The following NLGN1 variants were observed in gnomAD, a reference collection of about 807,000 sequenced individuals.
The protein encoded by NLGN1 is neuroligin-1.
In NLGN1, 12 loss-of-function variants were observed where a neutral mutation model predicts 65.5. That is an observed-to-expected ratio of 0.18 (90% confidence interval 0.12 to 0.30). NLGN1 has a LOEUF of 0.30. Among genes scored for constraint, NLGN1 ranks in the 10% least tolerant of loss-of-function variants. The pLI, the probability that NLGN1 is intolerant of heterozygous loss-of-function variation, is 1.00. For synonymous variants in NLGN1, 350 were observed against 359.5 expected (o/e 0.97, Z 0.30); for missense variants, 750 against 1,007.1 (o/e 0.74, Z 3.46).
At chr3:174,221,727 C>A (rs1399162547) in intron 4 of NLGN1, among the ~76,000 whole-genome samples, 1 of 151,806 alleles carries the variant, frequency 6.6e-6, no homozygotes, top group Non-Finnish European at 1.5e-5. Flanking sequence ...TGTAAAGTTG[C>A]TTGCAGGGCC....
chr3:173,980,211 TTAAA>T (rs1425362905), intron 4 of NLGN1, among the ~76,000 whole-genome samples: 5 of 152,078 alleles, frequency 3.3e-5, no homozygotes, highest in East Asian at 1.9e-4. Context: ...ATATTATGTA[TTAAA>T]TAAAGAGCAA....
chr3:174,102,369 G>T (rs1300152610), intron 4 of NLGN1, among the ~76,000 whole-genome samples: 1 of 151,970 alleles, frequency 6.6e-6, no homozygotes, highest in Non-Finnish European at 1.5e-5. Flanking sequence ...AAATTAGAAG[G>T]ATCTATTTGC....
intron 3 of NLGN1, among the ~76,000 whole-genome samples, chr3:173,793,123 T>A (rs1446323944): frequency 6.6e-6 from 1 of 152,116 alleles, no homozygotes; most frequent in East Asian, 1.9e-4. Context: ...TCTTTGGGTT[T>A]GCCACTATTA....
intron 4 of NLGN1, among the ~76,000 whole-genome samples, chr3:173,918,698 GTGTGTA>G (rs72147515): frequency 0.071 from 7,289 of 101,978 alleles, 201 homozygotes; most frequent in Non-Finnish European, 0.09. Context: ...GTGTGTGTGT[GTGTGTA>G]TATATATATA....
chr3:173,813,510 T>C lies in NLGN1; in HGVS notation c.646+5678T>C, dbSNP rs563282751. 9.9e-5 allele frequency among the ~76,000 whole-genome samples: 15 copies of C among 152,102 alleles called. No homozygotes were observed. In the East Asian group the frequency reaches 2.9e-3, roughly 30 times the overall value. On this transcript the variant is annotated intron_variant, in intron 4 of 6. Coordinates refer to ENST00000457714, the Ensembl canonical transcript of NLGN1. ...GGTACCGGAGGAAGGCCACAAAGAG[T>C]GGAGTATCCTTGGTATTAATTGAAG...
intron 3 of NLGN1, among the ~76,000 whole-genome samples, chr3:173,627,933 G>A (rs779451691): frequency 3.3e-5 from 5 of 151,026 alleles, no homozygotes; most frequent in African/African-American, 1.2e-4. Context: ...TTCCCATGAG[G>A]CTTATATTGA....
At chr3:174,201,826 C>G (rs1312028812) in intron 4 of NLGN1, among the ~76,000 whole-genome samples, 1 of 152,082 alleles carries the variant, frequency 6.6e-6, no homozygotes, top group Non-Finnish European at 1.5e-5. Context: ...TTCCACAGCA[C>G]TTATTTCCCT....
intron 4 of NLGN1, among the ~76,000 whole-genome samples, chr3:174,025,099 A>G (rs1190328082): frequency 6.6e-6 from 1 of 152,148 alleles, no homozygotes; most frequent in Non-Finnish European, 1.5e-5. Flanking sequence ...CTTTAACAAT[A>G]TTTATTTCAG....
intron 5 of NLGN1, 141 bp from the exon 6 acceptor site, chr3:174,278,720 C>T: frequency 1.6e-6 from 1 of 639,724 alleles, no homozygotes; most frequent in Non-Finnish European, 2.4e-6. Flanking sequence ...TTGTGTACTT[C>T]CCTTAAGAAA....
Position 173,911,427 on chromosome 3 carries a change from CAT to C in NLGN1, c.646+103596_646+103597del, listed in dbSNP as rs750885587. ...GTAATCATCCAGAAACACTGACACA[CAT>C]GTCTAATGAGTCAAAAATATTAATT... On this transcript the variant is annotated intron_variant, in intron 4 of 6. Coordinates refer to ENST00000457714, the Ensembl canonical transcript of NLGN1. Among the ~76,000 whole-genome samples the C allele has an allele frequency of 2.6e-5, 4 of 152,312 alleles. No individual in the cohort carries two copies. In the East Asian group the frequency reaches 5.8e-4, roughly 22 times the overall value.
At chr3:174,273,070 C>T (rs1377198780) in intron 4 of NLGN1, among the ~76,000 whole-genome samples, 3 of 150,888 alleles carry the variant, frequency 2.0e-5, no homozygotes, top group Non-Finnish European at 3.0e-5. Flanking sequence ...GCATCTATAA[C>T]TGGAATTACA....
At chr3:173,648,284 A>AAATCTC (rs559342513) in intron 3 of NLGN1, among the ~76,000 whole-genome samples, 10 of 152,256 alleles carry the variant, frequency 6.6e-5, no homozygotes, top group Non-Finnish European at 1.3e-4. Flanking sequence ...ATGTATAACA[A>AAATCTC]AATCTCTAAA....
At chr3:174,248,575 A>C (rs1033781704) in intron 4 of NLGN1, among the ~76,000 whole-genome samples, 1 of 152,110 alleles carries the variant, frequency 6.6e-6, no homozygotes, top group Non-Finnish European at 1.5e-5. Context: ...GACTGGCCAA[A>C]ACAGGGAAAC....
chr3:174,126,095 T>C (rs1718888289), intron 4 of NLGN1, among the ~76,000 whole-genome samples: 1 of 152,064 alleles, frequency 6.6e-6, no homozygotes, highest in South Asian at 2.1e-4. Flanking sequence ...CACCCGGGCA[T>C]GATGCTGGAA....
chr3:173,494,683 T>C (rs916179550), intron 2 of NLGN1, among the ~76,000 whole-genome samples: 1 of 151,814 alleles, frequency 6.6e-6, no homozygotes, highest in African/African-American at 2.4e-5. Flanking sequence ...TTTAGATATA[T>C]AGTTTGAATT....
At chr3:173,916,346 AT>A (rs1391416349) in intron 4 of NLGN1, among the ~76,000 whole-genome samples, 1 of 152,136 alleles carries the variant, frequency 6.6e-6, no homozygotes, top group Non-Finnish European at 1.5e-5. Context: ...TACTACAAAT[AT>A]TTTGCTCATT....
intron 4 of NLGN1, among the ~76,000 whole-genome samples, chr3:174,074,528 A>T (rs1740521758): frequency 6.6e-6 from 1 of 152,162 alleles, no homozygotes; most frequent in Non-Finnish European, 1.5e-5. Flanking sequence ...ACATATTGAA[A>T]ATCTGGAATA....
intron 4 of NLGN1, among the ~76,000 whole-genome samples, chr3:173,903,471 A>T (rs1047530716): frequency 2.0e-5 from 3 of 152,202 alleles, no homozygotes; most frequent in African/African-American, 7.2e-5. Flanking sequence ...GATTATCTGA[A>T]ATATATTTAT....
chr3:174,223,578 C>T (rs1160768523), intron 4 of NLGN1, among the ~76,000 whole-genome samples: 1 of 152,180 alleles, frequency 6.6e-6, no homozygotes, highest in South Asian at 2.1e-4. Context: ...TGGCAACTCT[C>T]AAATCAGTGT....
Sources: gnomAD v4.1 joint callset for allele counts (sites outside exome capture counted in the v4.1 genomes callset) on GRCh38, gnomAD v4.1.1 for gene constraint, MANE v1.5 for transcripts, NCBI Gene and HGNC (gene_info 2026-07-23, HGNC 2026-07-21) for gene names.